The following ZNF469 variants were observed in gnomAD, a reference collection of about 807,000 sequenced individuals.
ZNF469 encodes the protein zinc finger protein 469.
A neutral mutation model predicts 1.0 loss-of-function variants in ZNF469; 1 was observed. That is an observed-to-expected ratio of 1.00 (90% CI 0.35 to 4.73). The LOEUF (loss-of-function observed/expected upper bound fraction) is 4.73, where lower values mean the gene tolerates loss of function less well. Ranked by LOEUF, ZNF469 falls within the 30% of genes most tolerant of loss-of-function variation. ZNF469 has a pLI of 0.16. For synonymous variants in ZNF469, 2,703 were observed against 2,363.4 expected (o/e 1.14, Z -4.17); for missense variants, 6,100 against 5,356.3 (o/e 1.14, Z -4.33).
the ZNF469 span, among the ~76,000 whole-genome samples, chr16:88,226,957 T>A: frequency 6.6e-6 from 1 of 151,888 alleles, no homozygotes; most frequent in African/African-American, 2.4e-5. Flanking sequence ...CCTGCGCGTT[T>A]CCACCCGTGC....
chr16:88,267,809 T>G, the ZNF469 span, among the ~76,000 whole-genome samples: 2 of 151,982 alleles, frequency 1.3e-5, no homozygotes, highest in Admixed American at 1.3e-4. Flanking sequence ...TTTGGGATAA[T>G]GCAGCGATGA....
chr16:88,247,141 GAGTT>G, the ZNF469 span, among the ~76,000 whole-genome samples: 6 of 151,786 alleles, frequency 4.0e-5, no homozygotes, highest in African/African-American at 1.2e-4. Flanking sequence ...GTGGATGAGT[GAGTT>G]AGTGAATGAG....
At chr16:88,136,252 G>T in the ZNF469 span, among the ~76,000 whole-genome samples, 1 of 152,186 alleles carries the variant, frequency 6.6e-6, no homozygotes, top group Non-Finnish European at 1.5e-5. Flanking sequence ...TTGTCTTCCA[G>T]CCTGGCCCCT....
chr16:88,281,174 CGGT>C, the ZNF469 span, among the ~76,000 whole-genome samples: 17 of 131,316 alleles, frequency 1.3e-4, 1 homozygote, highest in African/African-American at 4.0e-4. Context: ...GTGCTGATGT[CGGT>C]GCACAGGTTA....
At chr16:88,113,127 G>A in the ZNF469 span, among the ~76,000 whole-genome samples, 1 of 152,146 alleles carries the variant, frequency 6.6e-6, no homozygotes, top group Non-Finnish European at 1.5e-5. Context: ...GCCTGTGTTT[G>A]CCTTGGTTGC....
the ZNF469 span, among the ~76,000 whole-genome samples, chr16:88,116,009 C>G: frequency 4.6e-5 from 7 of 152,226 alleles, no homozygotes; most frequent in Non-Finnish European, 8.8e-5. Flanking sequence ...AGTGTGCGCT[C>G]TGGGAAAGGC....
chr16:88,168,823 G>A, the ZNF469 span, among the ~76,000 whole-genome samples: 1 of 152,192 alleles, frequency 6.6e-6, no homozygotes, highest in Non-Finnish European at 1.5e-5. This position sits in a 1 kb window ranked among gnomAD's most constrained non-coding sequence, Gnocchi z 4.3. Context: ...GCTGGGCTTT[G>A]TGGTGGCTGT....
upstream of ZNF469, among the ~76,000 whole-genome samples, chr16:88,381,255 C>G (rs984979947): frequency 6.6e-6 from 1 of 150,670 alleles, no homozygotes; most frequent in Non-Finnish European, 1.5e-5. Flanking sequence ...CATGCACTCA[C>G]ACGCACTCAC....
At chr16:88,196,011 T>C in the ZNF469 span, among the ~76,000 whole-genome samples, 1 of 152,216 alleles carries the variant, frequency 6.6e-6, no homozygotes, top group African/African-American at 2.4e-5. Flanking sequence ...AGACATCTGA[T>C]ATCTCAGGCC....
At chr16:88,368,091 A>G in the ZNF469 span, among the ~76,000 whole-genome samples, 1 of 152,274 alleles carries the variant, frequency 6.6e-6, no homozygotes, top group African/African-American at 2.4e-5. Flanking sequence ...GCGAGGGCAG[A>G]GAACAATCCC....
chr16:88,211,850 C>T, the ZNF469 span, among the ~76,000 whole-genome samples: 1 of 152,178 alleles, frequency 6.6e-6, no homozygotes, highest in Non-Finnish European at 1.5e-5. Flanking sequence ...TGCCCTGATG[C>T]AAGGGGCATG....
chr16:88,411,074 G>A (rs1304685459), intron 1 of ZNF469, among the ~76,000 whole-genome samples: 1 of 152,172 alleles, frequency 6.6e-6, no homozygotes, highest in Non-Finnish European at 1.5e-5. Context: ...GTAATCCAGG[G>A]CGACTCCTCT....
At chr16:88,390,579 A>G (rs1047361320) in intron 1 of ZNF469, among the ~76,000 whole-genome samples, 2 of 152,192 alleles carry the variant, frequency 1.3e-5, no homozygotes, top group African/African-American at 2.4e-5. Flanking sequence ...CTTTTCCTGC[A>G]CTGTCAGCTA....
At position 88,436,333 on chromosome 16, in the gene ZNF469, G is replaced by A. The variant is rs1906571406; in HGVS notation, c.8863G>A (p.Ala2955Thr). The part of the protein sequence containing the change: ...NSRVPGIDPW[A>T]PGLSLWALEP... ...CAGGGTGCCTGGCATTGACCCCTGG[G>A]CCCCCGGCCTCAGCCTGTGGGCCCT... The change falls in exon 3 of 3, where the codon GCC becomes ACC. Residue 2955 changes from alanine to threonine, a missense_variant. Ala to Thr is a moderately conservative substitution (Grantham distance 58, BLOSUM62 0). Transcript: ENST00000565624. 4.5e-6 allele frequency: 7 copies of A among 1,549,384 alleles called. No individual in the cohort carries two copies. Among genetic ancestry groups the A allele is most frequent in the African/African-American group, 1.4e-5 (1 of 73,042 alleles).
Position 88,428,718 on chromosome 16 carries a change from G to A in ZNF469, c.1248G>A (p.Val416=), listed in dbSNP as rs1905888026. The A allele has an allele frequency of 6.5e-6, 10 of 1,548,380 alleles. No individual in the cohort carries two copies. Among genetic ancestry groups the A allele is most frequent in the Non-Finnish European group, 8.7e-6 (10 of 1,146,756 alleles). ...GGCAGGCGTACAGAGCCAGTGGGGT[G>A]GACACCAGCCCGGGGCCTCCGGACA... ...FPGQAYRASG[V]DTSPGPPDTE... The change falls in exon 3 of 3, where the codon GTG becomes GTA. Residue 416 remains valine, a synonymous_variant. Transcript: ENST00000565624.
the ZNF469 span, chr16:88,294,742 G>A: frequency 2.6e-5 from 4 of 152,290 alleles, no homozygotes; most frequent in African/African-American, 4.8e-5. Context: ...AAATGCAGCC[G>A]ATGAAATGGA....
At chr16:88,418,221 A>G (rs1335214339) in intron 1 of ZNF469, among the ~76,000 whole-genome samples, 1 of 152,206 alleles carries the variant, frequency 6.6e-6, no homozygotes, top group African/African-American at 2.4e-5. Context: ...GCAAATGGAC[A>G]CCATCTACAG....
chr16:88,140,370 C>T, the ZNF469 span, among the ~76,000 whole-genome samples: 4 of 148,224 alleles, frequency 2.7e-5, no homozygotes. Context: ...ACGTAGAAAT[C>T]GGGGGGTAGC....
chr16:88,388,456 G>A (rs568328693), intron 1 of ZNF469, among the ~76,000 whole-genome samples: 28 of 136,094 alleles, frequency 2.1e-4, no homozygotes, highest in Middle Eastern at 3.9e-3. Flanking sequence ...GTCCCTGAGC[G>A]GGGTTTTCCG....
Sources: gnomAD v4.1 joint callset for allele counts (sites outside exome capture counted in the v4.1 genomes callset) on GRCh38, gnomAD v4.1.1 for gene constraint, Gnocchi (gnomAD v3.1) non-coding constraint, MANE v1.5 for transcripts, NCBI Gene and HGNC (gene_info 2026-07-23, HGNC 2026-07-21) for gene names.